The following SMPD4 variants were observed in gnomAD, a reference collection of about 807,000 sequenced individuals.
The protein encoded by SMPD4 is sphingomyelin phosphodiesterase 4.
A neutral mutation model predicts 97.8 loss-of-function variants in SMPD4; 58 were observed. That is an observed-to-expected ratio of 0.59 (90% CI 0.48 to 0.74). The LOEUF (loss-of-function observed/expected upper bound fraction) is 0.74, where lower values mean the gene tolerates loss of function less well. Ranked by LOEUF, SMPD4 falls within the 30% of genes least tolerant of loss-of-function variation. SMPD4 has a pLI of 0.00. For missense variants in SMPD4, 853 were observed against 1,080.5 expected, an observed-to-expected ratio of 0.79 and a Z score of 2.95; for synonymous variants, 388 against 450.0, an observed-to-expected ratio of 0.86 and a Z score of 1.74.
intron 10 of SMPD4, 115 bp from the exon 11 acceptor site, chr2:130,161,387 G>A (rs1687396684): frequency 1.3e-6 from 1 of 777,106 alleles, no homozygotes; most frequent in Admixed American, 2.0e-5. Flanking sequence ...GAGAGAGAAA[G>A]AAAGCAATGA....
Position 130,153,765 on chromosome 2 carries a change from G to T in SMPD4, c.1830C>A (p.Asp610Glu). The T allele has an allele frequency of 1.9e-6, 3 of 1,613,998 alleles. No homozygotes were observed. The Admixed American group carries it at 5.0e-5, about 27-fold the overall frequency. The change falls in exon 17 of 20, where the codon GAC (aspartate) becomes GAA (glutamate). Residue 610 changes from aspartate (D) to glutamate (E), a missense_variant. Around this residue, in one of 3 missense-constraint regions of SMPD4, gnomAD observed 511 missense variants for 608.1 expected, o/e 0.84. Coordinates refer to ENST00000680298, the MANE Select transcript of SMPD4 (RefSeq NM_017951.5). ...TANDLDEMGQ[D>E]SVRKTDEYLE... ...GGTATTCATCTGTCTTCCGGACACT[G>T]TCTTGCCCCATCTCGTCCAGGTCGT...
intron 1 of SMPD4, among the ~76,000 whole-genome samples, chr2:130,180,416 C>T (rs1453342232): frequency 2.0e-5 from 3 of 152,072 alleles, no homozygotes; most frequent in Admixed American, 6.6e-5. Flanking sequence ...GGATTACAGG[C>T]GCCCGCTACC....
intron 2 of SMPD4, 129 bp downstream of exon 2, chr2:130,176,425 A>G (rs1407521108): frequency 3.0e-6 from 2 of 661,136 alleles, no homozygotes; most frequent in Non-Finnish European, 2.6e-6. Flanking sequence ...GGAGTCTGCC[A>G]TTGTTTCCAT....
intron 1 of SMPD4, 181 bp downstream of exon 1, chr2:130,181,349 C>T: frequency 2.1e-6 from 3 of 1,439,370 alleles, no homozygotes; most frequent in Non-Finnish European, 2.7e-6. Context: ...AAGGCATGGC[C>T]CAGAGGGGTG....
Position 130,152,420 on chromosome 2 carries a change from C to A in SMPD4, c.*135G>T. ...GTTGCGTTTCCTCCAGATGCCTCTG[C>A]GGCTGCAGGAACCCCGCTCCAGAAG... On this transcript the variant is annotated 3_prime_UTR_variant, in exon 20 of 20. Coordinates refer to ENST00000680298, the MANE Select transcript of SMPD4 (RefSeq NM_017951.5). The A allele has an allele frequency of 5.8e-6, 6 of 1,031,682 alleles. No homozygotes were observed. Among genetic ancestry groups the A allele is most frequent in the East Asian group, 2.6e-5 (1 of 37,982 alleles). 63.9% of individuals were successfully genotyped at this position (1,031,682 alleles called of 1,614,324 possible). A position where few individuals can be genotyped will look rare whatever the true frequency, so the allele number is the denominator to read the frequency against.
At chr2:130,180,798 G>A (rs1347439993) in intron 1 of SMPD4, among the ~76,000 whole-genome samples, 4 of 152,090 alleles carry the variant, frequency 2.6e-5, no homozygotes, top group Admixed American at 6.5e-5. Context: ...GAATTTCTAG[G>A]AAATTTCCAA....
chr2:130,164,422 A>C lies in SMPD4; in HGVS notation c.816T>G (p.His272Gln), dbSNP rs766878987. The part of the protein sequence containing the change: ...LLQVFVEMWL[H>Q]HYSLEMYQKM... ...TTTGATACATCTCCAAGGAATAGTG[A>C]TGAAGCCACATTTCAACAAAAACCT... Residue 272 changes from histidine (H) to glutamine (Q), a missense_variant, in exon 10 of 20, where the codon CAT becomes CAG. Physicochemically the swap from His to Gln is conservative, Grantham distance 24. Coordinates refer to ENST00000680298, the MANE Select transcript of SMPD4 (RefSeq NM_017951.5). 1 of 1,614,170 alleles carries C rather than the reference A, an allele frequency of 6.2e-7. No homozygotes were observed. The highest frequency in any genetic ancestry group is 8.5e-7 in the Non-Finnish European group (1 of 1,180,024).
At chr2:130,174,249 G>A (rs986229996) in intron 3 of SMPD4, among the ~76,000 whole-genome samples, 1 of 152,136 alleles carries the variant, frequency 6.6e-6, no homozygotes, top group Non-Finnish European at 1.5e-5. Context: ...TTGAGCTCCT[G>A]GGCTTAAGTG....
intron 10 of SMPD4, 37 bp downstream of exon 10, chr2:130,164,337 C>A: frequency 6.4e-7 from 1 of 1,567,396 alleles, no homozygotes; most frequent in Non-Finnish European, 8.8e-7. Flanking sequence ...TGAGCAGGGT[C>A]AGAAGCAGGA....
intron 14 of SMPD4, among the ~76,000 whole-genome samples, 157 bp from the exon 15 acceptor site, chr2:130,155,416 G>A (rs755528256): frequency 6.6e-6 from 1 of 152,164 alleles, no homozygotes. Flanking sequence ...AGGGGGCCAC[G>A]GGCAGGCAGG....
rs776650269 is a variant in SMPD4, at chr2:130,156,569, C to A, written c.1188+16G>T. On this transcript the variant is annotated intron_variant, in intron 13 of 19. Transcript: ENST00000680298. ...ACAGAGGACACAGGCACACGTGTGA[C>A]GGGGCCAACACTCACAGCTCTGAAC... 12 of 1,609,824 alleles carry A rather than the reference C, an allele frequency of 7.5e-6. No individual in the cohort carries two copies. The highest frequency in any genetic ancestry group is 6.7e-5 in the Admixed American group (4 of 59,752).
At chr2:130,174,477 C>G (rs529085159) in intron 3 of SMPD4, among the ~76,000 whole-genome samples, 15 of 152,290 alleles carry the variant, frequency 9.8e-5, no homozygotes, top group African/African-American at 2.6e-4. Flanking sequence ...CTTGACAATT[C>G]CAGGTGTGAT....
intron 10 of SMPD4, 43 bp downstream of exon 10, chr2:130,164,331 C>G (rs376121398): frequency 3.3e-6 from 5 of 1,534,876 alleles, no homozygotes; most frequent in Non-Finnish European, 1.8e-6. Flanking sequence ...GCAGGCTGAG[C>G]AGGGTCAGAA....
In SMPD4 at chr2:130,161,286, C is replaced by G; in HGVS notation, c.865-14G>C. 1.9e-6 allele frequency: 3 copies of G among 1,613,014 alleles called. No individual in the cohort carries two copies. Among genetic ancestry groups the G allele is most frequent in the African/African-American group, 1.3e-5 (1 of 74,848 alleles). ...CAGAACCTCCAGCTGAGATAAGAAA[C>G]AGAGAGATGCCGGAAGAGGCCGAAG... On this transcript the variant is annotated splice_polypyrimidine_tract_variant and intron_variant, in intron 10 of 19. Coordinates refer to ENST00000680298, the MANE Select transcript of SMPD4 (RefSeq NM_017951.5).
intron 2 of SMPD4, among the ~76,000 whole-genome samples, chr2:130,176,337 C>G (rs1181528319): frequency 6.6e-6 from 1 of 152,206 alleles, no homozygotes. Flanking sequence ...TTTGAATGAA[C>G]TTGTGTGAGA....
chr2:130,153,204 AAC>A, intron 18 of SMPD4, 33 bp from the exon 19 acceptor site: 1 of 1,613,528 alleles, frequency 6.2e-7, no homozygotes, highest in Non-Finnish European at 8.5e-7. Flanking sequence ...TGGGTCAGAA[AAC>A]ACAGCCCCAC....
At chr2:130,160,107 C>T (rs957155165) in intron 11 of SMPD4, among the ~76,000 whole-genome samples, 3 of 152,162 alleles carry the variant, frequency 2.0e-5, no homozygotes, top group Non-Finnish European at 4.4e-5. Context: ...CCGCACATTT[C>T]CCACTGGGCT....
Position 130,153,147 on chromosome 2 carries a change from C to T in SMPD4, c.2050G>A (p.Glu684Lys). 6.2e-7 allele frequency: 1 copy of T among 1,613,900 alleles called. No individual in the cohort carries two copies. The highest frequency in any genetic ancestry group is 1.1e-5 in the South Asian group (1 of 91,086). ...YQIINGLRRF[E>K]IEYQGDPELQ... ...TCCGGGTCCCCCTGGTACTCAATTT[C>T]AAACCTTCGCAGCCCATTGATGATC... Residue 684 changes from glutamate (E) to lysine (K), a missense_variant, in exon 19 of 20, where the codon GAA becomes AAA. Physicochemically the swap from Glu to Lys is moderately conservative, Grantham distance 56. Transcript: ENST00000680298.
chr2:130,165,126 A>G (rs1687803389), intron 9 of SMPD4, among the ~76,000 whole-genome samples: 1 of 148,258 alleles, frequency 6.7e-6, no homozygotes, highest in South Asian at 2.1e-4. Context: ...AAAAAAAAAA[A>G]AAAAAAAAAA....
Sources: gnomAD v4.1 joint callset for allele counts (sites outside exome capture counted in the v4.1 genomes callset) on GRCh38, gnomAD v4.1.1 for gene constraint, gnomAD v4.1.1 regional missense constraint, MANE v1.5 for transcripts, NCBI Gene and HGNC (gene_info 2026-07-23, HGNC 2026-07-21) for gene names.